Variants in RANBP9 observed in about 807,000 individuals in gnomAD.
RANBP9 encodes ran-binding protein 9.
RANBP9 carries 15 observed loss-of-function variants against 84.3 expected under a neutral mutation model. That is an observed-to-expected ratio of 0.18 (90% confidence interval 0.12 to 0.27). RANBP9 has a LOEUF of 0.27. Among genes scored for constraint, RANBP9 ranks in the 10% least tolerant of loss-of-function variants. The pLI, the probability that RANBP9 is intolerant of heterozygous loss-of-function variation, is 1.00. For missense variants in RANBP9, 809 were observed against 912.8 expected (o/e 0.89, Z 1.46); for synonymous variants, 392 against 349.6 (o/e 1.12, Z -1.35).
intron 10 of RANBP9, among the ~76,000 whole-genome samples, chr6:13,635,577 G>C (rs1367006343): frequency 6.6e-6 from 1 of 151,158 alleles, no homozygotes; most frequent in Non-Finnish European, 1.5e-5. Flanking sequence ...TTGGGGGTGT[G>C]TGTGTGCATG....
intron 2 of RANBP9, among the ~76,000 whole-genome samples, chr6:13,671,401 G>A (rs1038684167): frequency 6.6e-6 from 1 of 151,926 alleles, no homozygotes; most frequent in South Asian, 2.1e-4. Context: ...ACCAACCAAT[G>A]GATAAACAAA....
chr6:13,659,926 A>C (rs1765503173), intron 2 of RANBP9, among the ~76,000 whole-genome samples: 1 of 152,234 alleles, frequency 6.6e-6, no homozygotes, highest in South Asian at 2.1e-4. Context: ...TGACTAGCAT[A>C]AATGTTAAAA....
chr6:13,633,037 ATTT>A (rs200169433), intron 11 of RANBP9, among the ~76,000 whole-genome samples: 1 of 145,570 alleles, frequency 6.9e-6, no homozygotes, highest in African/African-American at 2.5e-5. Flanking sequence ...TGAAAAAATA[ATTT>A]TTTTTTTTTT....
intron 1 of RANBP9, among the ~76,000 whole-genome samples, chr6:13,702,415 T>C (rs1265195665): frequency 6.6e-6 from 1 of 152,130 alleles, no homozygotes; most frequent in East Asian, 1.9e-4. Flanking sequence ...AAAATAGTAA[T>C]AATAACCAGG....
chr6:13,633,037 ATT>A lies in RANBP9; in HGVS notation c.1796-518_1796-517del, dbSNP rs200169433. ...AGAAAAATACCACTTTGAAAAAATA[ATT>A]TTTTTTTTTTTTGGATGGAGTCTCA... On this transcript the variant is annotated intron_variant, in intron 11 of 13. Transcript: ENST00000011619. 3.8e-3 allele frequency among the ~76,000 whole-genome samples: 557 copies of A among 145,542 alleles called. 3 individuals are homozygous for A. Among genetic ancestry groups the A allele is most frequent in the African/African-American group, 0.013 (525 of 40,076 alleles).
intron 2 of RANBP9, among the ~76,000 whole-genome samples, chr6:13,670,856 T>C (rs1430027565): frequency 6.6e-6 from 1 of 151,542 alleles, no homozygotes; most frequent in Admixed American, 6.6e-5. Flanking sequence ...TTTAAAATTT[T>C]TGTGATTTAA....
At chr6:13,708,709 A>C (rs1038719637) in intron 1 of RANBP9, among the ~76,000 whole-genome samples, 3 of 152,020 alleles carry the variant, frequency 2.0e-5, no homozygotes, top group Admixed American at 6.5e-5. Flanking sequence ...TCTACTCTCT[A>C]TGATACTTCT....
chr6:13,625,098 TTC>T (rs1764564592), intron 13 of RANBP9, among the ~76,000 whole-genome samples: 1 of 152,212 alleles, frequency 6.6e-6, no homozygotes, highest in African/African-American at 2.4e-5. Context: ...TCCATTTTCA[TTC>T]TCTCCATCAA....
At chr6:13,671,709 ACT>A (rs1484836725) in intron 2 of RANBP9, among the ~76,000 whole-genome samples, 4 of 152,150 alleles carry the variant, frequency 2.6e-5, no homozygotes, top group African/African-American at 7.2e-5. Flanking sequence ...GGGTTGCATA[ACT>A]CTGTGAATAT....
chr6:13,670,832 T>C (rs1300770760), intron 2 of RANBP9, among the ~76,000 whole-genome samples: 1 of 144,078 alleles, frequency 6.9e-6, no homozygotes, highest in Non-Finnish European at 1.5e-5. Context: ...GTAGACAAAC[T>C]AGACTCCATA....
intron 2 of RANBP9, among the ~76,000 whole-genome samples, chr6:13,681,030 C>T (rs1766023090): frequency 6.6e-6 from 1 of 151,952 alleles, no homozygotes; most frequent in Admixed American, 6.6e-5. Flanking sequence ...ATAGTGTATG[C>T]AAATGTTATA....
chr6:13,664,483 C>T (rs1182266554), intron 2 of RANBP9, among the ~76,000 whole-genome samples: 2 of 151,638 alleles, frequency 1.3e-5, no homozygotes, highest in Admixed American at 6.6e-5. Flanking sequence ...ATCTGAAAAG[C>T]TGATTCTAAA....
At chr6:13,701,369 A>G (rs1168505065) in intron 1 of RANBP9, among the ~76,000 whole-genome samples, 1 of 152,218 alleles carries the variant, frequency 6.6e-6, no homozygotes, top group Non-Finnish European at 1.5e-5. Context: ...AAATGTTGTC[A>G]GCTTATTCCC....
At chr6:13,671,354 A>G (rs1051703007) in intron 2 of RANBP9, among the ~76,000 whole-genome samples, 3 of 152,214 alleles carry the variant, frequency 2.0e-5, no homozygotes, top group East Asian at 1.9e-4. Flanking sequence ...ACAATTCTTC[A>G]TAACAGCAAT....
At position 13,628,392 on chromosome 6, in the gene RANBP9, G is replaced by A. The variant is rs1188448430; in HGVS notation, c.1948-2628C>T. 2.0e-5 allele frequency among the ~76,000 whole-genome samples: 3 copies of A among 152,122 alleles called. No homozygotes were observed. The East Asian group carries it at 5.8e-4, about 29-fold the overall frequency. On this transcript the variant is annotated intron_variant, in intron 12 of 13. Coordinates refer to ENST00000011619, the MANE Select transcript of RANBP9 (RefSeq NM_005493.3). ...TATTGACTTAATACATGCAAACTCAGGCTGAGAGAAAGGAGAAAAAAGCAT... is the reference window on the plus strand; with the variant it reads ...TATTGACTTAATACATGCAAACTCAAGCTGAGAGAAAGGAGAAAAAAGCAT...
intron 5 of RANBP9, among the ~76,000 whole-genome samples, chr6:13,648,262 G>C (rs1331633518): frequency 7.0e-6 from 1 of 142,912 alleles, no homozygotes; most frequent in Non-Finnish European, 1.5e-5. Context: ...CAATTCTCCT[G>C]CCTCAGCCTC....
intron 4 of RANBP9, among the ~76,000 whole-genome samples, chr6:13,655,558 T>A (rs1371747863): frequency 6.6e-6 from 1 of 152,182 alleles, no homozygotes; most frequent in Non-Finnish European, 1.5e-5. Flanking sequence ...TCTTACATTT[T>A]AAAAATAGCT....
At chr6:13,659,289 C>A (rs1345197167) in intron 2 of RANBP9, among the ~76,000 whole-genome samples, 1 of 150,598 alleles carries the variant, frequency 6.6e-6, no homozygotes, top group African/African-American at 2.5e-5. Context: ...CACACACACA[C>A]ACACACGGAA....
chr6:13,711,572 C>G lies in RANBP9; in HGVS notation c.-67G>C. 8.2e-7 allele frequency: 1 copy of G among 1,220,846 alleles called. No individual in the cohort carries two copies. The highest frequency in any genetic ancestry group is 1.0e-6 in the Non-Finnish European group (1 of 973,714). The allele number at this position is 1,220,846 out of a possible 1,614,324, so 75.6% of individuals were successfully genotyped here. ...TCCTTCCTCCTCTGCTTCCCGGGGG[C>G]GCTGTCGCTGCGGCCGCCGGCACCA... On this transcript the variant is annotated 5_prime_UTR_variant, in exon 1 of 14. Transcript: ENST00000011619.
Sources: gnomAD v4.1 joint callset for allele counts (sites outside exome capture counted in the v4.1 genomes callset) on GRCh38, gnomAD v4.1.1 for gene constraint, MANE v1.5 for transcripts, NCBI Gene and HGNC (gene_info 2026-07-23, HGNC 2026-07-21) for gene names.